Variants in PCDHGB3 observed in about 807,000 individuals in gnomAD.
PCDHGB3 encodes protocadherin gamma-B3.
Under a neutral mutation model 59.2 loss-of-function variants are expected in PCDHGB3, and 40 were observed. That is an observed-to-expected ratio of 0.68 (90% confidence interval 0.52 to 0.88). PCDHGB3 has a LOEUF of 0.88. Among genes scored for constraint, PCDHGB3 ranks in the 40% least tolerant of loss-of-function variants. The pLI, the probability that PCDHGB3 is intolerant of heterozygous loss-of-function variation, is 0.00. For synonymous variants in PCDHGB3, 581 were observed against 503.6 expected, an observed-to-expected ratio of 1.15 and a Z score of -2.06; for missense variants, 1,309 against 1,187.9, an observed-to-expected ratio of 1.10 and a Z score of -1.50.
chr5:141,422,568 C>T (rs372115955), intron 1 of PCDHGB3: 91 of 1,613,904 alleles, frequency 5.6e-5, no homozygotes, highest in Non-Finnish European at 7.5e-5. Flanking sequence ...CAGATGACAA[C>T]GATAACCCTC....
chr5:141,449,936 T>C (rs1016569958), intron 1 of PCDHGB3, among the ~76,000 whole-genome samples: 4 of 151,978 alleles, frequency 2.6e-5, no homozygotes, highest in African/African-American at 9.6e-5. Context: ...CCTTATAGTA[T>C]ATTTTACTAT....
Position 141,485,181 on chromosome 5 carries a change from G to C in PCDHGB3, c.2416-9626G>C. 1 of 1,612,942 alleles carries C rather than the reference G, an allele frequency of 6.2e-7. No individual in the cohort carries two copies. Among genetic ancestry groups the C allele is most frequent in the East Asian group, 2.2e-5 (1 of 44,868 alleles). On this transcript the variant is annotated intron_variant, in intron 1 of 3. Transcript: ENST00000576222. This position sits in a 1 kb window ranked among gnomAD's most constrained non-coding sequence, Gnocchi z 5.7. ...AATTAGCGGGCGGCAGCAATGCTCC[G>C]CAAGGTGAGAAGCTGGACAGAAATC...
chr5:141,431,405 G>A lies in PCDHGB3; in HGVS notation c.2415+58596G>A, dbSNP rs2097369508. Reference sequence around the variant, plus strand: ...TCACCACCTGGTCCTTACGGCCTCCGACGGGGGCGACCCGGTGCGCACAGG... The same window carrying A: ...TCACCACCTGGTCCTTACGGCCTCCAACGGGGGCGACCCGGTGCGCACAGG... On this transcript the variant is annotated intron_variant, in intron 1 of 3. Transcript: ENST00000576222. The surrounding 1 kb of genome is among the most constrained non-coding windows in gnomAD (Gnocchi z 4.8). 1 of 1,613,614 alleles carries A rather than the reference G, an allele frequency of 6.2e-7. No individual in the cohort carries two copies.
At chr5:141,428,021 C>A (rs1185050109) in intron 1 of PCDHGB3, 2 of 1,605,604 alleles carry the variant, frequency 1.2e-6, no homozygotes, top group Non-Finnish European at 1.7e-6. Flanking sequence ...TGCCACGCGC[C>A]GCAGAGTCCG....
rs769551114 is a variant in PCDHGB3, at chr5:141,402,989, T to A, written c.2415+30180T>A. On this transcript the variant is annotated intron_variant, in intron 1 of 3. Coordinates refer to ENST00000576222, the MANE Select transcript of PCDHGB3 (RefSeq NM_018924.5). ...AACCAAATGCCAGCTCCGCGGAAGA[T>A]TAGTCCTGCTATGCTCGCTCCTGGG... The A allele has an allele frequency of 2.5e-6, 4 of 1,611,874 alleles. No homozygotes were observed. Among genetic ancestry groups the A allele is most frequent in the Non-Finnish European group, 3.4e-6 (4 of 1,179,236 alleles).
intron 1 of PCDHGB3, chr5:141,390,048 T>C (rs1307418187): frequency 1.2e-6 from 2 of 1,613,948 alleles, no homozygotes; most frequent in African/African-American, 1.3e-5. Context: ...CCCCGCCTCC[T>C]GGAGCTGCTT....
At position 141,399,393 on chromosome 5, in the gene PCDHGB3, C is replaced by G. The variant is rs762678347; in HGVS notation, c.2415+26584C>G. 28 of 1,613,976 alleles carry G rather than the reference C, an allele frequency of 1.7e-5. No homozygotes were observed. In the Middle Eastern group the frequency reaches 2.8e-3, roughly 162 times the overall value. ...ACAATGTCACCATCACAGCCACAGA[C>G]AGGGGCAAGCCGCCCCTCTCCTCCA... On this transcript the variant is annotated intron_variant, in intron 1 of 3. Transcript: ENST00000576222.
intron 1 of PCDHGB3, among the ~76,000 whole-genome samples, chr5:141,472,967 C>G (rs1040253926): frequency 1.7e-5 from 1 of 58,336 alleles, no homozygotes; most frequent in South Asian, 5.1e-4. Flanking sequence ...GCCTGGGGAA[C>G]AAGAGTGAAA....
rs1561869085 is a variant in PCDHGB3, at chr5:141,433,357, GCCTA to G, written c.2415+60549_2415+60552del. On this transcript the variant is annotated intron_variant, in intron 1 of 3. Transcript: ENST00000576222. ...TACAGGTGCAAGCCACCTACTGTCT[GCCTA>G]TCTATCTATCTATCTATCTATCTAT... is the stretch of plus-strand genomic sequence containing the variant. 3 of 568,974 alleles carry G rather than the reference GCCTA, an allele frequency of 5.3e-6. No homozygotes were observed. In the African/African-American group the frequency reaches 6.4e-5, roughly 12 times the overall value. The allele number at this position is 568,974 out of a possible 1,614,324, so 35.2% of individuals were successfully genotyped here.
chr5:141,414,148 G>A, intron 1 of PCDHGB3: 1 of 1,598,900 alleles, frequency 6.3e-7, no homozygotes, highest in Non-Finnish European at 8.5e-7. Flanking sequence ...AGAAATACAA[G>A]CAGAAGATGG....
chr5:141,412,027 C>T (rs1360599996), intron 1 of PCDHGB3: 1 of 152,086 alleles, frequency 6.6e-6, no homozygotes, highest in Non-Finnish European at 1.5e-5. Context: ...ATCCTGTTCT[C>T]TGTGTGAAAG....
At chr5:141,403,208 A>T (rs763459005) in intron 1 of PCDHGB3, 2 of 1,613,962 alleles carry the variant, frequency 1.2e-6, no homozygotes, top group Non-Finnish European at 1.7e-6. Flanking sequence ...CACCTTGGTC[A>T]CCGCGGGTAG....
chr5:141,403,925 G>A, intron 1 of PCDHGB3: 1 of 1,613,868 alleles, frequency 6.2e-7, no homozygotes, highest in South Asian at 1.1e-5. Flanking sequence ...TGAAGATGGT[G>A]GGGGATTGAA....
Position 141,431,939 on chromosome 5 carries a change from T to A in PCDHGB3, c.2415+59130T>A, listed in dbSNP as rs1377573207. The A allele has an allele frequency of 2.2e-5, 35 of 1,613,996 alleles. No individual in the cohort carries two copies. The highest frequency in any genetic ancestry group is 2.9e-5 in the Non-Finnish European group (34 of 1,180,000). On this transcript the variant is annotated intron_variant, in intron 1 of 3. Coordinates refer to ENST00000576222, the MANE Select transcript of PCDHGB3 (RefSeq NM_018924.5). This position sits in a 1 kb window ranked among gnomAD's most constrained non-coding sequence, Gnocchi z 4.8. ...CATCCAAGGAAATCTGCCCTTTAAA[T>A]TAGAAAAATCTTACGGAAATTACTA...
At chr5:141,411,097 A>C (rs2095464397) in intron 1 of PCDHGB3, 1 of 153,002 alleles carries the variant, frequency 6.5e-6, no homozygotes, top group Non-Finnish European at 1.4e-5. Flanking sequence ...TGATCCTCCC[A>C]CCTTGGCCTC....
rs768559201 is a variant in PCDHGB3, at chr5:141,431,344, G to A, written c.2415+58535G>A. Reference sequence around the variant, plus strand: ...ACGGTAGTAAGTACCCCGAATTGGTGCTGAAACGCGCCCTGGACCGCGAAG... The same window carrying A: ...ACGGTAGTAAGTACCCCGAATTGGTACTGAAACGCGCCCTGGACCGCGAAG... On this transcript the variant is annotated intron_variant, in intron 1 of 3. Coordinates refer to ENST00000576222, the MANE Select transcript of PCDHGB3 (RefSeq NM_018924.5). The surrounding 1 kb of genome is among the most constrained non-coding windows in gnomAD (Gnocchi z 4.8). 3.9e-5 allele frequency: 63 copies of A among 1,614,078 alleles called. No homozygotes were observed. Among genetic ancestry groups the A allele is most frequent in the Non-Finnish European group, 5.0e-5 (59 of 1,180,044 alleles).
intron 2 of PCDHGB3, among the ~76,000 whole-genome samples, chr5:141,505,177 A>G (rs917485235): frequency 6.6e-6 from 1 of 152,180 alleles, no homozygotes; most frequent in East Asian, 1.9e-4. Flanking sequence ...AAAAGAAAAA[A>G]GCATCGGAGG....
At chr5:141,478,524 C>T in intron 1 of PCDHGB3, 1 of 1,609,844 alleles carries the variant, frequency 6.2e-7, no homozygotes, top group Non-Finnish European at 8.5e-7. Flanking sequence ...GTGTTGGGTG[C>T]AGAGAGCGCC....
At chr5:141,452,912 A>T (rs1301567203) in intron 1 of PCDHGB3, among the ~76,000 whole-genome samples, 1 of 152,228 alleles carries the variant, frequency 6.6e-6, no homozygotes, top group African/African-American at 2.4e-5. Flanking sequence ...GGCATTATAC[A>T]GTAAGAAAGA....
Sources: allele counts gnomAD v4.1 joint callset (sites outside exome capture counted in the v4.1 genomes callset), GRCh38; gene constraint gnomAD v4.1.1; non-coding constraint Gnocchi (gnomAD v3.1); transcripts MANE v1.5; gene names NCBI Gene and HGNC (gene_info 2026-07-23, HGNC 2026-07-21).